Variants in ADAMTSL3 observed in about 807,000 individuals in gnomAD.
ADAMTSL3 encodes the protein ADAMTS-like protein 3.
In ADAMTSL3, 128 loss-of-function variants were observed where a neutral mutation model predicts 201.7. The ratio of observed to expected loss-of-function variants is 0.63; its 90% CI spans 0.55 to 0.73. The LOEUF (loss-of-function observed/expected upper bound fraction) is 0.73. ADAMTSL3 is among the 30% of genes least tolerant of loss of function. ADAMTSL3 has a pLI of 0.00. For synonymous variants in ADAMTSL3, 738 were observed against 748.4 expected, an observed-to-expected ratio of 0.99 and a Z score of 0.23; for missense variants, 1,990 against 2,119.6, an observed-to-expected ratio of 0.94 and a Z score of 1.20.
chr15:83,668,459 C>T (rs1486957291), intron 2 of ADAMTSL3, among the ~76,000 whole-genome samples: 1 of 151,508 alleles, frequency 6.6e-6, no homozygotes, highest in African/African-American at 2.4e-5. Flanking sequence ...CATATCAGGA[C>T]ATGATATAAA....
chr15:83,821,138 T>C (rs1267909567), intron 6 of ADAMTSL3, among the ~76,000 whole-genome samples: 7 of 152,106 alleles, frequency 4.6e-5, no homozygotes, highest in African/African-American at 1.4e-4. Context: ...AGGGAAATTA[T>C]AGGATTCTGC....
chr15:83,931,272 A>G (rs996784881), intron 17 of ADAMTSL3, among the ~76,000 whole-genome samples: 2 of 152,170 alleles, frequency 1.3e-5, no homozygotes, highest in African/African-American at 4.8e-5. Context: ...CTTGTTACCT[A>G]TTTCTTGATA....
chr15:83,800,775 A>G (rs1346818703), intron 4 of ADAMTSL3, among the ~76,000 whole-genome samples: 1 of 152,212 alleles, frequency 6.6e-6, no homozygotes. Context: ...GCAAGTCAGC[A>G]TGGTACAAAA....
intron 4 of ADAMTSL3, among the ~76,000 whole-genome samples, chr15:83,801,692 A>ATATATATATATG (rs1555445626): frequency 2.3e-5 from 2 of 86,212 alleles, no homozygotes; most frequent in Non-Finnish European, 4.7e-5. Flanking sequence ...ATATATATAT[A>ATATATATATATG]TATGTATGTA....
At chr15:83,801,662 AT>A (rs57473607) in intron 4 of ADAMTSL3, among the ~76,000 whole-genome samples, 1 of 47,816 alleles carries the variant, frequency 2.1e-5, no homozygotes, top group African/African-American at 6.8e-5. Flanking sequence ...ATATATATAT[AT>A]ATATATATAT....
At chr15:83,810,513 A>T (rs2063676147) in intron 5 of ADAMTSL3, among the ~76,000 whole-genome samples, 2 of 152,226 alleles carry the variant, frequency 1.3e-5, no homozygotes, top group Non-Finnish European at 2.9e-5. Flanking sequence ...AGTGGCTTAA[A>T]ACAAGACAAA....
At chr15:83,891,100 G>A (rs2065490847) in intron 11 of ADAMTSL3, 3 of 480,126 alleles carry the variant, frequency 6.2e-6, no homozygotes. Context: ...TATACTGCTA[G>A]TTTAGTTTTC....
intron 7 of ADAMTSL3, among the ~76,000 whole-genome samples, chr15:83,847,275 T>C (rs1416922990): frequency 1.3e-5 from 2 of 152,214 alleles, no homozygotes; most frequent in Non-Finnish European, 2.9e-5. Context: ...TACTTTTGCT[T>C]ACTGGCATAC....
intron 3 of ADAMTSL3, among the ~76,000 whole-genome samples, chr15:83,737,217 G>A (rs927199306): frequency 6.6e-6 from 1 of 152,186 alleles, no homozygotes; most frequent in African/African-American, 2.4e-5. Flanking sequence ...GAAATGGGAA[G>A]TGTGGGGGAA....
intron 3 of ADAMTSL3, among the ~76,000 whole-genome samples, chr15:83,706,417 A>G (rs2061851941): frequency 1.3e-5 from 2 of 152,202 alleles, no homozygotes; most frequent in Admixed American, 6.5e-5. Flanking sequence ...CTCAGTGACT[A>G]GCATATGAAA....
chr15:83,724,156 T>C (rs1034986769), intron 3 of ADAMTSL3, among the ~76,000 whole-genome samples: 2 of 152,056 alleles, frequency 1.3e-5, no homozygotes, highest in African/African-American at 4.8e-5. Flanking sequence ...TGGAGTGCAG[T>C]GATGCAATCT....
Position 84,031,406 on chromosome 15 carries a change from T to C in ADAMTSL3, c.4728T>C (p.Ser1576=). ...QRHTACQHNS[S]DSNCDDRKRP... ...ACACAGCTTGTCAACACAACAGCTC[T>C]GACTCCAACTGTGATGACAGAAAGA... Residue 1576 remains serine, a synonymous_variant, in exon 28 of 30, where the codon TCT becomes TCC. Transcript: ENST00000286744. 6.2e-7 allele frequency: 1 copy of C among 1,614,142 alleles called. No homozygotes were observed. The highest frequency in any genetic ancestry group is 8.5e-7 in the Non-Finnish European group (1 of 1,180,008).
At chr15:83,712,043 G>A (rs941182909) in intron 3 of ADAMTSL3, among the ~76,000 whole-genome samples, 1 of 152,226 alleles carries the variant, frequency 6.6e-6, no homozygotes, top group South Asian at 2.1e-4. Context: ...GCTGCTTACC[G>A]TCAGATCATC....
At chr15:83,729,620 C>G (rs77619412) in intron 3 of ADAMTSL3, among the ~76,000 whole-genome samples, 9,742 of 151,792 alleles carry the variant, frequency 0.064, 364 homozygotes, top group East Asian at 0.18. Flanking sequence ...ATGTCAATCT[C>G]TTTGTTAGTT....
chr15:83,866,306 A>G (rs1234088639), intron 8 of ADAMTSL3, among the ~76,000 whole-genome samples: 1 of 152,240 alleles, frequency 6.6e-6, no homozygotes, highest in Non-Finnish European at 1.5e-5. Flanking sequence ...AGACACATGC[A>G]CATGTATGTT....
chr15:83,990,762 T>C (rs1035487556), intron 22 of ADAMTSL3, among the ~76,000 whole-genome samples: 12 of 149,662 alleles, frequency 8.0e-5, no homozygotes, highest in Non-Finnish European at 1.6e-4. Flanking sequence ...TCTGAATTCC[T>C]TTTTTTTTCA....
intron 16 of ADAMTSL3, among the ~76,000 whole-genome samples, chr15:83,914,529 C>T (rs192374736): frequency 6.8e-4 from 103 of 152,348 alleles, no homozygotes; most frequent in African/African-American, 1.9e-3. Flanking sequence ...GTGCCTTACC[C>T]CCAGGCTGCC....
chr15:84,023,820 C>A (rs2068248909), intron 26 of ADAMTSL3, among the ~76,000 whole-genome samples: 1 of 152,172 alleles, frequency 6.6e-6, no homozygotes, highest in South Asian at 2.1e-4. Flanking sequence ...CTCATCATTT[C>A]TGTGCCACAG....
Position 84,025,427 on chromosome 15 carries a change from A to G in ADAMTSL3, c.4647A>G (p.Pro1549=). ...CFGHPCVQWE[P]GNRCPGRCMG... is the part of the protein sequence containing the mutation. The stretch of plus-strand genomic sequence containing the variant: ...GTCATCCATGTGTTCAGTGGGAACC[A>G]GGGAACCGGGTAAAGCTAACACATC... Residue 1549 remains proline (P), a synonymous_variant, in exon 27 of 30, where the codon CCA becomes CCG. Coordinates refer to ENST00000286744, the MANE Select transcript of ADAMTSL3 (RefSeq NM_207517.3). 6.2e-7 allele frequency: 1 copy of G among 1,613,932 alleles called. No individual in the cohort carries two copies. The highest frequency in any genetic ancestry group is 1.3e-5 in the African/African-American group (1 of 75,056).
Sources: allele counts gnomAD v4.1 joint callset (sites outside exome capture counted in the v4.1 genomes callset), GRCh38; gene constraint gnomAD v4.1.1; transcripts MANE v1.5; gene names NCBI Gene and HGNC (gene_info 2026-07-23, HGNC 2026-07-21).